The following DIXDC1 variants were observed in gnomAD, a reference collection of about 807,000 sequenced individuals.
DIXDC1 encodes the protein DIX domain containing 1.
Under a neutral mutation model 103.1 loss-of-function variants are expected in DIXDC1, and 64 were observed. The observed-to-expected ratio is 0.62, with a 90% CI of 0.51 to 0.76. The LOEUF is 0.76. Ranked by LOEUF, DIXDC1 falls within the 30% of genes least tolerant of loss-of-function variation. The probability of loss-of-function intolerance (pLI) is 0.00; values close to 1 mark genes in which losing one functional copy is unlikely to be tolerated. For synonymous variants in DIXDC1, 266 were observed against 298.5 expected (o/e 0.89, Z 1.12); for missense variants, 759 against 834.2 (o/e 0.91, Z 1.11).
intron 3 of DIXDC1, among the ~76,000 whole-genome samples, chr11:111,973,569 C>T (rs782778424): frequency 1.3e-5 from 2 of 152,170 alleles, no homozygotes; most frequent in Non-Finnish European, 2.9e-5. Context: ...TTGATAGCTA[C>T]AGGTGGCTAA....
chr11:111,962,707 G>A (rs146848732), intron 1 of DIXDC1, among the ~76,000 whole-genome samples: 2 of 152,344 alleles, frequency 1.3e-5, no homozygotes, highest in East Asian at 3.9e-4. Flanking sequence ...AAGCAGGAAT[G>A]TGTGGAGGGT....
intron 5 of DIXDC1, 130 bp downstream of exon 5, chr11:111,975,113 T>A: frequency 6.7e-7 from 1 of 1,492,940 alleles, no homozygotes; most frequent in Non-Finnish European, 8.9e-7. Flanking sequence ...TTTAAAGGGA[T>A]ACCCCTTAGC....
chr11:111,937,549 G>A lies in DIXDC1; in HGVS notation c.50G>A (p.Gly17Asp), dbSNP rs201623951. ...RGNLLDVLQE[G>D]FNEQQLQAYV... Reference sequence around the variant, plus strand: ...AACTTACTGGACGTCCTGCAGGAGGGCTTCAATGAGGTAACTGTCCTGCTC... The same window carrying A: ...AACTTACTGGACGTCCTGCAGGAGGACTTCAATGAGGTAACTGTCCTGCTC... The change falls in exon 1 of 20, where the codon GGC becomes GAC. Residue 17 changes from glycine to aspartate, a missense_variant. By Grantham distance (94) the Gly-to-Asp change is moderately conservative (BLOSUM62 -1). Transcript: ENST00000440460. The A allele has an allele frequency of 6.3e-7, 1 of 1,593,196 alleles. No individual in the cohort carries two copies. The highest frequency in any genetic ancestry group is 8.5e-7 in the Non-Finnish European group (1 of 1,170,242).
upstream of DIXDC1, among the ~76,000 whole-genome samples, chr11:111,933,423 C>A (rs587624418): frequency 6.6e-6 from 1 of 152,196 alleles, no homozygotes; most frequent in East Asian, 1.9e-4. Flanking sequence ...GCGTGAGCCA[C>A]CGCTCCCGGA....
chr11:111,936,845 A>AGTGTGTGTGTGTGTGTGTGT (rs57332873), upstream of DIXDC1, among the ~76,000 whole-genome samples: 2 of 140,758 alleles, frequency 1.4e-5, no homozygotes, highest in Admixed American at 1.4e-4. Flanking sequence ...TTAAGTTAGC[A>AGTGTGTGTGTGTGTGTGTGT]GTGTGTGTGT....
chr11:111,964,217 G>C (rs587717568), intron 1 of DIXDC1, among the ~76,000 whole-genome samples: 1 of 152,210 alleles, frequency 6.6e-6, no homozygotes, highest in Non-Finnish European at 1.5e-5. Flanking sequence ...GTGGTTCTGG[G>C]CCAAGCCCTC....
At chr11:111,943,351 C>T (rs782083396) in intron 1 of DIXDC1, among the ~76,000 whole-genome samples, 2 of 152,136 alleles carry the variant, frequency 1.3e-5, no homozygotes, top group Admixed American at 6.5e-5. Flanking sequence ...ACCATGTTGG[C>T]CAGGCTGGTC....
intron 1 of DIXDC1, among the ~76,000 whole-genome samples, chr11:111,950,200 G>A (rs1555169764): frequency 6.6e-6 from 1 of 151,192 alleles, no homozygotes; most frequent in Non-Finnish European, 1.5e-5. Flanking sequence ...TTATTTAGGG[G>A]TTTTGGTTGA....
chr11:112,014,983 C>T (rs1433330863), intron 17 of DIXDC1, among the ~76,000 whole-genome samples: 1 of 151,770 alleles, frequency 6.6e-6, no homozygotes, highest in Non-Finnish European at 1.5e-5. Flanking sequence ...CTCCCAGGTT[C>T]AAGCGATTCT....
chr11:111,949,610 ACT>A (rs1441125114), intron 1 of DIXDC1, among the ~76,000 whole-genome samples: 2 of 151,640 alleles, frequency 1.3e-5, no homozygotes, highest in Non-Finnish European at 2.9e-5. Context: ...ACACAGTTTC[ACT>A]CTCCTGTTTC....
Position 111,980,780 on chromosome 11 carries a change from A to C in DIXDC1, c.700A>C (p.Ile234Leu), listed in dbSNP as rs782608370. 6.2e-7 allele frequency: 1 copy of C among 1,613,990 alleles called. No homozygotes were observed. Among genetic ancestry groups the C allele is most frequent in the Non-Finnish European group, 8.5e-7 (1 of 1,179,884 alleles). Residue 234 changes from isoleucine to leucine, a missense_variant, in exon 6 of 20, where the codon ATT (isoleucine) becomes CTT (leucine). Physicochemically the swap from Ile to Leu is conservative, Grantham distance 5. This residue lies in a region of DIXDC1 where 657 missense variants were observed against 727.5 expected (regional missense o/e 0.90). Coordinates refer to ENST00000440460, the MANE Select transcript of DIXDC1 (RefSeq NM_001037954.4). ...SPIHSAKSES[I>L]ITQSEEKADF... ...AATCCACAGTGCAAAGAGCGAGTCC[A>C]TTATAACCCAGTCAGAAGAGAAGGC...
chr11:112,011,953 AAAAAAGG>A (rs1216203545), intron 17 of DIXDC1, among the ~76,000 whole-genome samples: 6 of 152,236 alleles, frequency 3.9e-5, no homozygotes, highest in Admixed American at 6.5e-5. Flanking sequence ...AAAGTATAGT[AAAAAAGG>A]AAAAAGGAAA....
chr11:111,991,698 A>G (rs1186104084), intron 10 of DIXDC1, among the ~76,000 whole-genome samples: 3 of 152,270 alleles, frequency 2.0e-5, no homozygotes, highest in Non-Finnish European at 4.4e-5. Context: ...GCTGAGGGAA[A>G]GAAAGCCTAA....
At chr11:112,005,424 T>C (rs1555176495) in intron 17 of DIXDC1, among the ~76,000 whole-genome samples, 2 of 152,038 alleles carry the variant, frequency 1.3e-5, no homozygotes, top group Admixed American at 1.3e-4. Context: ...GCCCAGGCAC[T>C]GTGGCTCATG....
chr11:111,989,371 T>C (rs1345295774), intron 10 of DIXDC1, among the ~76,000 whole-genome samples: 1 of 152,182 alleles, frequency 6.6e-6, no homozygotes, highest in East Asian at 1.9e-4. Context: ...ACGCCTGTAA[T>C]CCCAGCACTT....
intron 1 of DIXDC1, chr11:111,946,741 C>A: frequency 2.1e-6 from 1 of 467,952 alleles, no homozygotes; most frequent in Admixed American, 2.1e-5. Context: ...TTGAAGTCGG[C>A]CTGGGCACAC....
chr11:112,017,975 T>G lies in DIXDC1; in HGVS notation c.1971+90T>G. On this transcript the variant is annotated intron_variant, in intron 19 of 19. Transcript: ENST00000440460. The surrounding 1 kb of genome is among the most constrained non-coding windows in gnomAD (Gnocchi z 4.0). The stretch of plus-strand genomic sequence containing the variant: ...TCAAGCACTAGTGTCCAGAAGTACA[T>G]GAGTTCCCTGACTAGGTCAGAAGAA... 1 of 997,914 alleles carries G rather than the reference T, an allele frequency of 1.0e-6. No individual in the cohort carries two copies. The allele number at this position is 997,914 out of a possible 1,614,324, so 61.8% of individuals were successfully genotyped here. A position where few individuals can be genotyped will look rare whatever the true frequency, so the allele number is the denominator to read the frequency against.
chr11:111,958,789 A>G lies in DIXDC1; in HGVS notation c.61-5760A>G, dbSNP rs192689207. Among the ~76,000 whole-genome samples the G allele has an allele frequency of 3.1e-3, 468 of 152,298 alleles. 4 individuals carry two copies. Among genetic ancestry groups the G allele is most frequent in the African/African-American group, 0.01 (421 of 41,554 alleles). On this transcript the variant is annotated intron_variant, in intron 1 of 19. Transcript: ENST00000440460. The surrounding 1 kb of genome is among the most constrained non-coding windows in gnomAD (Gnocchi z 4.2). ...CATGGCCACCCATGAACCAATCAGT[A>G]CACACTTCCTCCCCTTTGAAGCCCA... is the stretch of plus-strand genomic sequence containing the variant.
At chr11:111,999,029 T>C (rs1860987080) in intron 17 of DIXDC1, among the ~76,000 whole-genome samples, 1 of 152,234 alleles carries the variant, frequency 6.6e-6, no homozygotes, top group East Asian at 1.9e-4. Flanking sequence ...TTAATGTCAC[T>C]GAATCTTAGT....
Sources: allele counts gnomAD v4.1 joint callset (sites outside exome capture counted in the v4.1 genomes callset), GRCh38; gene constraint gnomAD v4.1.1; regional missense constraint gnomAD v4.1.1; non-coding constraint Gnocchi (gnomAD v3.1); transcripts MANE v1.5; gene names NCBI Gene and HGNC (gene_info 2026-07-23, HGNC 2026-07-21).